CDYL: variants seen among roughly 807,000 people sequenced by gnomAD.
CDYL encodes chromodomain Y-like protein.
CDYL carries 8 observed loss-of-function variants against 47.3 expected under a neutral mutation model. The ratio of observed to expected loss-of-function variants is 0.17; its 90% CI spans 0.10 to 0.31. CDYL has a LOEUF of 0.31. Ranked by LOEUF, CDYL falls within the 10% of genes least tolerant of loss-of-function variation. The probability of loss-of-function intolerance (pLI) is 1.00; values close to 1 mark genes in which losing one functional copy is unlikely to be tolerated. For missense variants in CDYL, 471 were observed against 701.4 expected (o/e 0.67, Z 3.71); for synonymous variants, 266 against 265.0 (o/e 1.00, Z -0.04).
At chr6:4,940,186 C>A (rs1758323877) in intron 4 of CDYL, among the ~76,000 whole-genome samples, 3 of 152,328 alleles carry the variant, frequency 2.0e-5, no homozygotes, top group African/African-American at 7.2e-5. Context: ...CCCTACTCCA[C>A]ACAAAAAGCT....
intron 1 of CDYL, chr6:4,714,025 TA>T (rs1757206060): frequency 6.6e-6 from 1 of 152,340 alleles, no homozygotes; most frequent in South Asian, 2.1e-4. Context: ...AGGAGTTTTG[TA>T]GATGTGATAT....
At chr6:4,795,438 T>C (rs982937445) in intron 1 of CDYL, among the ~76,000 whole-genome samples, 9 of 152,182 alleles carry the variant, frequency 5.9e-5, no homozygotes, top group African/African-American at 2.2e-4. Context: ...TTTTAGAATT[T>C]TTGGAAATTC....
At chr6:4,713,025 G>C (rs1172857921) in intron 1 of CDYL, among the ~76,000 whole-genome samples, 2 of 152,204 alleles carry the variant, frequency 1.3e-5, no homozygotes, top group African/African-American at 4.8e-5. Flanking sequence ...TGCACCTGTA[G>C]ATCCAGGAAC....
chr6:4,936,011 GGT>G (rs1357530400), intron 3 of CDYL, among the ~76,000 whole-genome samples: 5 of 152,170 alleles, frequency 3.3e-5, no homozygotes, highest in Non-Finnish European at 1.5e-5. Context: ...CATTCTCCCG[GGT>G]GTGGGTCCAC....
chr6:4,750,855 C>G, intron 3 of CDYL, among the ~76,000 whole-genome samples: 1 of 134,444 alleles, frequency 7.4e-6, no homozygotes, highest in Non-Finnish European at 1.6e-5. Context: ...TTTTTCTTTT[C>G]TTTTTTTTTT....
intron 3 of CDYL, among the ~76,000 whole-genome samples, chr6:4,737,976 A>T (rs1757733038): frequency 6.6e-6 from 1 of 152,262 alleles, no homozygotes; most frequent in South Asian, 2.1e-4. Flanking sequence ...CAACACGAAA[A>T]ACAAAGCATT....
At chr6:4,851,245 G>A (rs573576582) in intron 1 of CDYL, among the ~76,000 whole-genome samples, 34 of 152,314 alleles carry the variant, frequency 2.2e-4, no homozygotes, top group Middle Eastern at 3.4e-3. Flanking sequence ...TAAAATGGAC[G>A]TAACAGCAGG....
chr6:4,857,808 C>T (rs1194331112), intron 1 of CDYL, among the ~76,000 whole-genome samples: 2 of 152,190 alleles, frequency 1.3e-5, no homozygotes, highest in Non-Finnish European at 2.9e-5. Context: ...TTTAACTTTA[C>T]AGGGAATTAT....
intron 1 of CDYL, among the ~76,000 whole-genome samples, chr6:4,848,294 A>G (rs190493555): frequency 6.6e-6 from 1 of 152,196 alleles, no homozygotes; most frequent in Admixed American, 6.5e-5. Context: ...TAACTCCAGT[A>G]TGGCAGATTG....
intron 1 of CDYL, among the ~76,000 whole-genome samples, chr6:4,709,775 G>A (rs1374355984): frequency 6.6e-6 from 1 of 152,278 alleles, no homozygotes; most frequent in East Asian, 1.9e-4. Flanking sequence ...CTTGAAGACA[G>A]GACAAAGGTC....
intron 1 of CDYL, among the ~76,000 whole-genome samples, chr6:4,874,489 G>T (rs1177464420): frequency 6.6e-6 from 1 of 152,194 alleles, no homozygotes; most frequent in African/African-American, 2.4e-5. Flanking sequence ...CCCAGCTGCA[G>T]TGTTAGGTGC....
chr6:4,889,950 A>G, intron 1 of CDYL: 2 of 984,870 alleles, frequency 2.0e-6, no homozygotes, highest in Non-Finnish European at 2.4e-6. Context: ...TGGCAGCAGC[A>G]GGTCCCCAGG....
rs1426941520 is a variant in CDYL at position 4,855,940 on chromosome 6, G to A, written c.25-35773G>A. On this transcript the variant is annotated intron_variant, in intron 1 of 6. Transcript: ENST00000397588. ...CTCGGACGTAGTTCTTATGCTCATT[G>A]TCCATTTGTTGCCAAGGTTGATTCT... 2.0e-5 allele frequency among the ~76,000 whole-genome samples: 3 copies of A among 152,198 alleles called. 1 individual carries two copies. Among genetic ancestry groups the A allele is most frequent in the Non-Finnish European group, 4.4e-5 (3 of 68,038 alleles).
At chr6:4,712,846 T>TTACCAAGTATG (rs1046747144) in intron 1 of CDYL, among the ~76,000 whole-genome samples, 1 of 152,216 alleles carries the variant, frequency 6.6e-6, no homozygotes, top group African/African-American at 2.4e-5. Flanking sequence ...ACTCTGCCAT[T>TTACCAAGTATG]TACCAAGTAT....
intron 1 of CDYL, among the ~76,000 whole-genome samples, chr6:4,834,493 G>T (rs557304041): frequency 0.027 from 4,047 of 149,574 alleles, 76 homozygotes; most frequent in Non-Finnish European, 0.039. Flanking sequence ...CTTTCTCTCT[G>T]GCTGCCCTTA....
At chr6:4,733,568 C>T (rs868137) in intron 2 of CDYL, among the ~76,000 whole-genome samples, 44,782 of 152,072 alleles carry the variant, frequency 0.29, 6,726 homozygotes, top group African/African-American at 0.34. Context: ...AATCTCCAAA[C>T]TTTTGTCCCC....
At chr6:4,759,932 GAAAGAAAAGAAA>G (rs1758147422) in intron 3 of CDYL, among the ~76,000 whole-genome samples, 1 of 61,500 alleles carries the variant, frequency 1.6e-5, no homozygotes, top group Admixed American at 1.9e-4. Flanking sequence ...AAAAGAAGAA[GAAAGAAAAGAAA>G]AGAAAGAAAG....
At chr6:4,848,315 C>A (rs1394110785) in intron 1 of CDYL, among the ~76,000 whole-genome samples, 1 of 152,066 alleles carries the variant, frequency 6.6e-6, no homozygotes, top group Non-Finnish European at 1.5e-5. Flanking sequence ...ATTCTTGGTG[C>A]TTTTTTTCCA....
intron 1 of CDYL, among the ~76,000 whole-genome samples, chr6:4,806,155 G>T (rs73362564): frequency 6.6e-6 from 1 of 152,142 alleles, no homozygotes; most frequent in South Asian, 2.1e-4. Context: ...CAGCAGGAGG[G>T]GCCCTGCATG....
Sources: allele counts gnomAD v4.1 joint callset (sites outside exome capture counted in the v4.1 genomes callset), GRCh38; gene constraint gnomAD v4.1.1; transcripts MANE v1.5; gene names NCBI Gene and HGNC (gene_info 2026-07-23, HGNC 2026-07-21).